SMC1A: variants seen among roughly 807,000 people sequenced by gnomAD.
SMC1A encodes the protein structural maintenance of chromosomes 1A, also known as structural maintenance of chromosomes protein 1A.
In SMC1A, 4 loss-of-function variants were observed where a neutral mutation model predicts 94.5. That is an observed-to-expected ratio of 0.04 (90% CI 0.02 to 0.10). The LOEUF (loss-of-function observed/expected upper bound fraction) is 0.10, where lower values mean the gene tolerates loss of function less well. Ranked by LOEUF, SMC1A falls within the 10% of genes least tolerant of loss-of-function variation. The pLI is 1.00. For missense variants in SMC1A, 304 were observed against 989.0 expected, an observed-to-expected ratio of 0.31 and a Z score of 9.29; for synonymous variants, 345 against 347.7, an observed-to-expected ratio of 0.99 and a Z score of 0.09.
intron 15 of SMC1A, among the ~76,000 whole-genome samples, chrX:53,402,574 C>T (rs1556889059): frequency 3.8e-5 from 4 of 104,940 alleles, no homozygotes; most frequent in South Asian, 4.3e-4. Flanking sequence ...AAAAGCCAGG[C>T]GGGGGTTGGG....
At position 53,419,737 on chromosome X, in the gene SMC1A, T is replaced by C. The variant is rs782473151; in HGVS notation, c.109+2755A>G. Among the ~76,000 whole-genome samples, 6 of 105,372 alleles carry C rather than the reference T, an allele frequency of 5.7e-5. No homozygotes were observed. In the East Asian group the frequency reaches 1.8e-3, roughly 31 times the overall value. The allele number at this position is 105,372 out of a possible 115,157, so 91.5% of individuals were successfully genotyped here. ...TCCTCAGGAGGCTGAGGCAGGAGAA[T>C]AGCTTGAACCCGGGAGGCAGAGGTT... On this transcript the variant is annotated intron_variant, in intron 1 of 24. Coordinates refer to ENST00000322213, the MANE Select transcript of SMC1A (RefSeq NM_006306.4).
At chrX:53,419,040 CAAAAA>C (rs34765834) in intron 1 of SMC1A, among the ~76,000 whole-genome samples, 2 of 36,752 alleles carry the variant, frequency 5.4e-5, no homozygotes, top group Admixed American at 3.8e-4. Flanking sequence ...GACTCTGTCT[CAAAAA>C]AAAAAAAAAA....
At position 53,405,398 on chromosome X, in the gene SMC1A, A is replaced by G; in HGVS notation, c.1912-7T>C. The G allele has an allele frequency of 8.3e-7, 1 of 1,211,290 alleles. No individual in the cohort carries two copies. The highest frequency in any genetic ancestry group is 1.8e-5 in the South Asian group (1 of 56,937). ...TTCCATCCAGTGCCACTGTCTACAC[A>G]CAGCAGGGGGAAGAGAGAAGAGGGG... On this transcript the variant is annotated splice_polypyrimidine_tract_variant and splice_region_variant and intron_variant, in intron 11 of 24. Coordinates refer to ENST00000322213, the MANE Select transcript of SMC1A (RefSeq NM_006306.4).
chrX:53,405,181 T>C, intron 12 of SMC1A, 32 bp from the exon 13 acceptor site: 2 of 1,212,082 alleles, frequency 1.7e-6, no homozygotes. Context: ...GGCTAGGTGG[T>C]AAGGTGGTGG....
rs1335563013 is a variant in SMC1A, at chrX:53,380,006, G to A, written c.*97C>T. Reference sequence around the variant, plus strand: ...CTAAATCCCATGACTACACCAAAAAGGGCCAGGAGGTAGGGGGAAGGTTGG... The same window carrying A: ...CTAAATCCCATGACTACACCAAAAAAGGCCAGGAGGTAGGGGGAAGGTTGG... On this transcript the variant is annotated 3_prime_UTR_variant, in exon 25 of 25. Coordinates refer to ENST00000322213, the MANE Select transcript of SMC1A (RefSeq NM_006306.4). 15 of 608,715 alleles carry A rather than the reference G, an allele frequency of 2.5e-5. No individual in the cohort carries two copies. The East Asian group carries it at 4.3e-4, about 17-fold the overall frequency. 50.2% of individuals were successfully genotyped at this position (608,715 alleles called of 1,213,427 possible). A position where few individuals can be genotyped will look rare whatever the true frequency, so the allele number is the denominator to read the frequency against.
At chrX:53,396,110 C>T (rs980067436) in intron 18 of SMC1A, 117 bp downstream of exon 18, 27 of 868,447 alleles carry the variant, frequency 3.1e-5, no homozygotes, top group Non-Finnish European at 4.4e-5. Flanking sequence ...TTTTCATGTC[C>T]CTTCACCATC....
chrX:53,419,809 GAA>G lies in SMC1A; in HGVS notation c.109+2681_109+2682del, dbSNP rs781880219. Among the ~76,000 whole-genome samples the G allele has an allele frequency of 1.7e-3, 170 of 98,056 alleles. 1 individual carries two copies. Among genetic ancestry groups the G allele is most frequent in the African/African-American group, 6.4e-3 (163 of 25,356 alleles). The allele number at this position is 98,056 out of a possible 115,157, so 85.1% of individuals were successfully genotyped here. A position where few individuals can be genotyped will look rare whatever the true frequency, so the allele number is the denominator to read the frequency against. ...ACTGCACTCCAGCCTGGGCGACAGA[GAA>G]AGACTTCATCTCAAAAAAAAAAAAA... On this transcript the variant is annotated intron_variant, in intron 1 of 24. Coordinates refer to ENST00000322213, the MANE Select transcript of SMC1A (RefSeq NM_006306.4).
At chrX:53,405,712 G>A (rs1556889606) in intron 10 of SMC1A, 40 bp from the exon 11 acceptor site, 2 of 1,208,595 alleles carry the variant, frequency 1.7e-6, no homozygotes, top group Admixed American at 2.2e-5. Context: ...ACACAAACAG[G>A]GAGTACTAGA....
rs1428488089 is a variant in SMC1A, at chrX:53,403,473, T to C, written c.2420+93A>G. ...CATAAACTCACATAGTTCTAAGAGC[T>C]GACCCTTGCCTATGACAGCATCTGG... is the stretch of plus-strand genomic sequence containing the variant. On this transcript the variant is annotated intron_variant, in intron 15 of 24. Coordinates refer to ENST00000322213, the MANE Select transcript of SMC1A (RefSeq NM_006306.4). 1.0e-5 allele frequency: 7 copies of C among 673,186 alleles called. No homozygotes were observed. In the East Asian group the frequency reaches 1.8e-4, roughly 17 times the overall value. 55.5% of individuals were successfully genotyped at this position (673,186 alleles called of 1,213,427 possible).
At position 53,376,030 on chromosome X, in the gene SMC1A, G is replaced by A; in HGVS notation, c.*4073C>T. ...TTTACTGGGTGCCTGTTTTGTGTCA[G>A]GCACTGTGCTTTTTTGCAGGGGCTA... On this transcript the variant is annotated 3_prime_UTR_variant, in exon 25 of 25. Transcript: ENST00000322213. The A allele has an allele frequency of 8.9e-6, 1 of 112,723 alleles. No individual in the cohort carries two copies. The highest frequency in any genetic ancestry group is 9.4e-5 in the Admixed American group (1 of 10,643). The allele number at this position is 112,723 out of a possible 1,213,427, so 9.3% of individuals were successfully genotyped here.
intron 19 of SMC1A, 109 bp downstream of exon 19, chrX:53,394,669 G>T (rs2075643756): frequency 5.6e-6 from 3 of 532,839 alleles, no homozygotes; most frequent in Admixed American, 5.4e-5. Flanking sequence ...TCCAGCCATG[G>T]TCTTCACAGA....
intron 18 of SMC1A, among the ~76,000 whole-genome samples, chrX:53,395,305 T>C (rs781866445): frequency 8.0e-5 from 9 of 112,261 alleles, no homozygotes; most frequent in Admixed American, 2.8e-4. Flanking sequence ...ATCACGCCAC[T>C]GCACTTCAGC....
intron 19 of SMC1A, among the ~76,000 whole-genome samples, chrX:53,384,985 T>C (rs781819903): frequency 7.4e-5 from 8 of 108,489 alleles, no homozygotes; most frequent in Admixed American, 5.0e-4. Flanking sequence ...CTTCGAAAGC[T>C]AAAAAAAATA....
chrX:53,381,770 C>T lies in SMC1A; in HGVS notation c.3437+462G>A, dbSNP rs782087116. ...CCGCAGGGTCTGGTACAGAGCAGCA[C>T]TCAAGAAATTGATGCTGTACAATCA... On this transcript the variant is annotated intron_variant, in intron 22 of 24. Transcript: ENST00000322213. The T allele has an allele frequency of 4.9e-5, 11 of 224,839 alleles. No homozygotes were observed. In the East Asian group the frequency reaches 5.5e-4, roughly 11 times the overall value. 18.5% of individuals were successfully genotyped at this position (224,839 alleles called of 1,213,427 possible).
chrX:53,404,571 G>A, intron 13 of SMC1A, among the ~76,000 whole-genome samples: 1 of 110,320 alleles, frequency 9.1e-6, no homozygotes. Context: ...TCGGCTCACT[G>A]CAACCTCCAC....
At chrX:53,417,322 G>A (rs781797437) in intron 1 of SMC1A, among the ~76,000 whole-genome samples, 1 of 108,655 alleles carries the variant, frequency 9.2e-6, no homozygotes, top group South Asian at 4.1e-4. Context: ...TGGCCGAGGC[G>A]GGCGGATCAC....
At position 53,394,765 on chromosome X, in the gene SMC1A, G is replaced by A; in HGVS notation, c.2973+13C>T. 1.1e-6 allele frequency: 1 copy of A among 893,068 alleles called. No homozygotes were observed. Among genetic ancestry groups the A allele is most frequent in the Non-Finnish European group, 1.6e-6 (1 of 620,020 alleles). 73.6% of individuals were successfully genotyped at this position (893,068 alleles called of 1,213,427 possible). A position where few individuals can be genotyped will look rare whatever the true frequency, so the allele number is the denominator to read the frequency against. The stretch of plus-strand genomic sequence containing the variant: ...ACCCCCACCCCCACCACACCCCTGT[G>A]GTTGATCCTCACCTTCAGATCCTCA... On this transcript the variant is annotated intron_variant, in intron 19 of 24. Transcript: ENST00000322213.
chrX:53,409,308 G>A, intron 8 of SMC1A, 39 bp from the exon 9 acceptor site: 1 of 1,182,923 alleles, frequency 8.5e-7, no homozygotes, highest in South Asian at 1.8e-5. Flanking sequence ...TCCTGCTGGT[G>A]AGAAAATACT....
At chrX:53,411,514 C>T (rs1199744872) in intron 7 of SMC1A, among the ~76,000 whole-genome samples, 1 of 110,668 alleles carries the variant, frequency 9.0e-6, no homozygotes, top group African/African-American at 3.3e-5. Flanking sequence ...TGCTTGAACC[C>T]GGGAGGCAAA....
Sources: gnomAD v4.1 joint callset for allele counts (sites outside exome capture counted in the v4.1 genomes callset) on GRCh38, gnomAD v4.1.1 for gene constraint, MANE v1.5 for transcripts, NCBI Gene and HGNC (gene_info 2026-07-23, HGNC 2026-07-21) for gene names.